Variants in GLRA1 observed in about 807,000 individuals in gnomAD.
GLRA1 encodes the protein glycine receptor alpha 1.
A neutral mutation model predicts 48.3 loss-of-function variants in GLRA1; 37 were observed. The observed-to-expected ratio is 0.77, with a 90% CI of 0.59 to 1.01. The LOEUF (loss-of-function observed/expected upper bound fraction) is 1.01, where lower values mean the gene tolerates loss of function less well. Among genes scored for constraint, GLRA1 ranks in the 50% least tolerant of loss-of-function variants. The pLI is 0.00. For synonymous variants in GLRA1, 196 were observed against 210.7 expected, an observed-to-expected ratio of 0.93 and a Z score of 0.60; for missense variants, 427 against 571.0, an observed-to-expected ratio of 0.75 and a Z score of 2.57.
chr5:151,918,762 A>T, intron 1 of GLRA1, among the ~76,000 whole-genome samples: 1 of 152,196 alleles, frequency 6.6e-6, no homozygotes, highest in Non-Finnish European at 1.5e-5. Context: ...TGGGAGGTGG[A>T]CGTCCAGTCT....
chr5:151,901,747 A>T (rs1328616144), intron 1 of GLRA1, among the ~76,000 whole-genome samples: 1 of 152,186 alleles, frequency 6.6e-6, no homozygotes, highest in African/African-American at 2.4e-5. Flanking sequence ...TGAAGACATG[A>T]TATTAGCTAA....
intron 1 of GLRA1, among the ~76,000 whole-genome samples, 159 bp downstream of exon 1, chr5:151,924,335 T>TGGGGGGGGGGGGGGGGGGGGG (rs1754953474): frequency 3.7e-5 from 1 of 27,092 alleles, no homozygotes; most frequent in African/African-American, 1.4e-4. Flanking sequence ...TGGCGGGGGG[T>TGGGGGGGGGGGGGGGGGGGGG]GGGAGGGGGG....
At position 151,822,531 on chromosome 5, in the gene GLRA1, G is replaced by T; in HGVS notation, c.*142C>A. 1 of 691,112 alleles carries T rather than the reference G, an allele frequency of 1.4e-6. No homozygotes were observed. Among genetic ancestry groups the T allele is most frequent in the Middle Eastern group, 3.9e-4 (1 of 2,548 alleles). The allele number at this position is 691,112 out of a possible 1,614,324, so 42.8% of individuals were successfully genotyped here. A position where few individuals can be genotyped will look rare whatever the true frequency, so the allele number is the denominator to read the frequency against. ...CACATTGTAAAATTCATGCATCACT[G>T]CATTTTGCTATTGCACATATTGCAG... On this transcript the variant is annotated 3_prime_UTR_variant, in exon 9 of 9. Coordinates refer to ENST00000274576, the MANE Select transcript of GLRA1 (RefSeq NM_000171.4).
chr5:151,902,191 T>C (rs942867134), intron 1 of GLRA1, among the ~76,000 whole-genome samples: 4 of 152,134 alleles, frequency 2.6e-5, no homozygotes, highest in African/African-American at 9.7e-5. Context: ...CATTTGATCC[T>C]CATACCAGCG....
At position 151,849,103 on chromosome 5, in the gene GLRA1, C is replaced by CTTTT. The variant is rs372056240; in HGVS notation, c.912+2283_912+2286dup. Reference sequence around the variant, plus strand: ...CTTTTCTTTCCTTTTTATTTCTTTTCTTTTCTTTCTTTCTTTCTTTCTTTC... The same window carrying CTTTT: ...CTTTTCTTTCCTTTTTATTTCTTTTCTTTTTTTTCTTTCTTTCTTTCTTTCTTTC... On this transcript the variant is annotated intron_variant, in intron 7 of 8. Transcript: ENST00000274576. The CTTTT allele has an allele frequency of 1.9e-5, 3 of 158,646 alleles. No homozygotes were observed. The Admixed American group carries it at 3.1e-4, about 16-fold the overall frequency. 9.8% of individuals were successfully genotyped at this position (158,646 alleles called of 1,614,324 possible). A position where few individuals can be genotyped will look rare whatever the true frequency, so the allele number is the denominator to read the frequency against.
At chr5:151,904,692 G>T (rs1754437538) in intron 1 of GLRA1, among the ~76,000 whole-genome samples, 1 of 152,166 alleles carries the variant, frequency 6.6e-6, no homozygotes, top group East Asian at 1.9e-4. Flanking sequence ...CTAAATCTTT[G>T]TTTCTGCATC....
At chr5:151,884,372 T>A (rs1581643161) in intron 3 of GLRA1, among the ~76,000 whole-genome samples, 1 of 152,022 alleles carries the variant, frequency 6.6e-6, no homozygotes, top group South Asian at 2.1e-4. Flanking sequence ...GAGTTTGCAG[T>A]GAGCCGAGAT....
intron 2 of GLRA1, among the ~76,000 whole-genome samples, chr5:151,889,893 AC>A (rs1465324066): frequency 6.6e-5 from 10 of 151,918 alleles, no homozygotes; most frequent in African/African-American, 2.4e-4. Context: ...AGGAAGCTGC[AC>A]CTCATTCTCA....
At chr5:151,856,062 G>T (rs1753033924) in intron 5 of GLRA1, among the ~76,000 whole-genome samples, 1 of 152,192 alleles carries the variant, frequency 6.6e-6, no homozygotes, top group African/African-American at 2.4e-5. Flanking sequence ...CATAGACATG[G>T]AACAATGACC....
Position 151,851,538 on chromosome 5 carries a change from A to G in GLRA1, c.764T>C (p.Met255Thr). ...GACAATGAGCAGGCTGGGAATATAC[A>G]TCTGAATCAGGTAGTAACCCATCTG... Reference protein sequence around the residue: ...ERQMGYYLIQMYIPSLLIVIL... With the variant: ...ERQMGYYLIQTYIPSLLIVIL... Residue 255 changes from methionine (M) to threonine (T), a missense_variant, in exon 7 of 9, where the codon ATG becomes ACG. Around this residue, in one of 4 missense-constraint regions of GLRA1, gnomAD observed 271 missense variants for 434.9 expected, o/e 0.62. Transcript: ENST00000274576. The G allele has an allele frequency of 6.2e-7, 1 of 1,613,984 alleles. No individual in the cohort carries two copies. Among genetic ancestry groups the G allele is most frequent in the African/African-American group, 1.3e-5 (1 of 75,036 alleles).
intron 1 of GLRA1, among the ~76,000 whole-genome samples, chr5:151,915,072 C>A (rs1754705194): frequency 6.6e-6 from 1 of 152,134 alleles, no homozygotes; most frequent in African/African-American, 2.4e-5. Flanking sequence ...AGTTACATAA[C>A]CTCTTTATGT....
intron 3 of GLRA1, among the ~76,000 whole-genome samples, chr5:151,860,358 AT>A (rs1002107322): frequency 1.3e-5 from 2 of 152,174 alleles, no homozygotes; most frequent in East Asian, 3.9e-4. Flanking sequence ...TGTTTGCTTC[AT>A]TTTTTTTAAA....
intron 1 of GLRA1, among the ~76,000 whole-genome samples, chr5:151,913,963 G>A (rs371665699): frequency 2.6e-5 from 4 of 152,116 alleles, no homozygotes; most frequent in East Asian, 1.9e-4. Flanking sequence ...ATATCAAACC[G>A]TTAAGTGATT....
At chr5:151,916,211 T>G (rs1754736972) in intron 1 of GLRA1, among the ~76,000 whole-genome samples, 1 of 152,228 alleles carries the variant, frequency 6.6e-6, no homozygotes, top group South Asian at 2.1e-4. Flanking sequence ...AGCCTCAGTT[T>G]TCTCAGCTCT....
chr5:151,890,730 T>G (rs1203559525), intron 2 of GLRA1, among the ~76,000 whole-genome samples: 5 of 152,228 alleles, frequency 3.3e-5, no homozygotes, highest in Admixed American at 6.5e-5. Context: ...CCTGCTTCAT[T>G]CATATACTAT....
At chr5:151,910,556 C>T (rs1754583979) in intron 1 of GLRA1, among the ~76,000 whole-genome samples, 2 of 152,170 alleles carry the variant, frequency 1.3e-5, no homozygotes, top group South Asian at 4.1e-4. Flanking sequence ...TCCTCGTAAT[C>T]ATTCATCCTG....
chr5:151,860,949 T>A (rs1311341928), intron 3 of GLRA1, among the ~76,000 whole-genome samples: 1 of 152,214 alleles, frequency 6.6e-6, no homozygotes, highest in Non-Finnish European at 1.5e-5. Context: ...ATTGTTCAGT[T>A]CCCACCTATG....
intron 3 of GLRA1, among the ~76,000 whole-genome samples, chr5:151,877,817 G>C (rs1331234817): frequency 1.3e-5 from 2 of 152,234 alleles, no homozygotes; most frequent in Non-Finnish European, 2.9e-5. Context: ...CCAGCCACAT[G>C]CAACTGTAAG....
rs939814015 is a variant in GLRA1 at position 151,854,920 on chromosome 5, A to G, written c.697+120T>C. 6.9e-6 allele frequency: 8 copies of G among 1,161,754 alleles called. No homozygotes were observed. The African/African-American group carries it at 1.2e-4, about 18-fold the overall frequency. 72.0% of individuals were successfully genotyped at this position (1,161,754 alleles called of 1,614,324 possible). ...GAGCCACATTTTTGTTTCAAAACCT[A>G]TTCTCTTAACCACTAGGTAATCTTC... On this transcript the variant is annotated intron_variant, in intron 6 of 8. Transcript: ENST00000274576.
Sources: gnomAD v4.1 joint callset for allele counts (sites outside exome capture counted in the v4.1 genomes callset) on GRCh38, gnomAD v4.1.1 for gene constraint, gnomAD v4.1.1 regional missense constraint, MANE v1.5 for transcripts, NCBI Gene and HGNC (gene_info 2026-07-23, HGNC 2026-07-21) for gene names.